CBY1: variants seen among roughly 807,000 people sequenced by gnomAD.
The protein encoded by CBY1 is chibby 1, beta catenin antagonist, also known as protein chibby homolog 1.
Under a neutral mutation model 15.6 loss-of-function variants are expected in CBY1, and 10 were observed. That is an observed-to-expected ratio of 0.64 (90% CI 0.40 to 1.09). CBY1 has a LOEUF of 1.09. Ranked by LOEUF, CBY1 falls within the 50% of genes least tolerant of loss-of-function variation. The probability of loss-of-function intolerance (pLI) is 0.01; values close to 1 mark genes in which losing one functional copy is unlikely to be tolerated. For missense variants in CBY1, 150 were observed against 160.5 expected (o/e 0.93, Z 0.35); for synonymous variants, 61 against 63.5 (o/e 0.96, Z 0.19).
At chr22:38,669,966 C>A (rs1222044569) in intron 2 of CBY1, 1 of 152,060 alleles carries the variant, frequency 6.6e-6, no homozygotes, top group African/African-American at 2.4e-5. Flanking sequence ...CACGGTGGCT[C>A]ACGTCTATAA....
At chr22:38,671,642 A>C (rs1032517170) in intron 4 of CBY1, 1 of 168,684 alleles carries the variant, frequency 5.9e-6, no homozygotes, top group Non-Finnish European at 1.3e-5. Flanking sequence ...ACACTGCATT[A>C]GTGTTGGTTT....
In CBY1 at chr22:38,671,100, G is replaced by A. The variant is rs775861163; in HGVS notation, c.215G>A (p.Arg72Lys). Residue 72 changes from arginine (R) to lysine (K), a missense_variant, in exon 4 of 5, where the codon AGG becomes AAG. Coordinates refer to ENST00000216029, the MANE Select transcript of CBY1 (RefSeq NM_015373.4). ...ETGVSGGVDRREVQRLRRRNQ... is the reference protein window; with the variant it reads ...ETGVSGGVDRKEVQRLRRRNQ... ...GGGGTTAGTGGCGGTGTGGACCGGA[G>A]GGAGGTTCAGCGCCTTCGCAGGCGG... The A allele has an allele frequency of 3.1e-5, 50 of 1,614,136 alleles. No homozygotes were observed. The highest frequency in any genetic ancestry group is 1.9e-4 in the South Asian group (17 of 91,094).
intron 1 of CBY1, among the ~76,000 whole-genome samples, chr22:38,664,657 A>G (rs2092431196): frequency 6.6e-6 from 1 of 152,160 alleles, no homozygotes. Flanking sequence ...GATATTGACA[A>G]GGATCTCTTG....
In CBY1 at chr22:38,657,607, A is replaced by C. The variant is rs2092404180; in HGVS notation, c.-39+857A>C. 3.3e-5 allele frequency among the ~76,000 whole-genome samples: 5 copies of C among 152,372 alleles called. No homozygotes were observed. In the South Asian group the frequency reaches 1.0e-3, roughly 32 times the overall value. ...ATTAGATCTGACTTAAAAGGTAGCT[A>C]ATCCAGACCCTTCCTCATCTGTAAT... On this transcript the variant is annotated intron_variant, in intron 1 of 4. Transcript: ENST00000216029.
intron 1 of CBY1, among the ~76,000 whole-genome samples, chr22:38,662,141 A>C (rs2092423823): frequency 6.6e-6 from 1 of 152,052 alleles, no homozygotes; most frequent in South Asian, 2.1e-4. Context: ...GTCTCTACAA[A>C]AGACACAAAA....
At chr22:38,660,085 A>T (rs1179184897) in intron 1 of CBY1, among the ~76,000 whole-genome samples, 1 of 152,096 alleles carries the variant, frequency 6.6e-6, no homozygotes, top group Non-Finnish European at 1.5e-5. Flanking sequence ...GAATTATAGC[A>T]TCTTCTGATT....
Position 38,671,263 on chromosome 22 carries a change from C to T in CBY1, c.303+75C>T. 5 of 1,094,936 alleles carry T rather than the reference C, an allele frequency of 4.6e-6. No individual in the cohort carries two copies. The Admixed American group carries it at 8.5e-5, about 19-fold the overall frequency. The allele number at this position is 1,094,936 out of a possible 1,614,324, so 67.8% of individuals were successfully genotyped here. A position where few individuals can be genotyped will look rare whatever the true frequency, so the allele number is the denominator to read the frequency against. The stretch of plus-strand genomic sequence containing the variant: ...CTCCACCTCGAGTCACTTAATCCAA[C>T]AGATATCTCCTCAATGCCAGTTTGG... On this transcript the variant is annotated intron_variant, in intron 4 of 4. Coordinates refer to ENST00000216029, the MANE Select transcript of CBY1 (RefSeq NM_015373.4).
At chr22:38,662,499 TG>T (rs900237449) in intron 1 of CBY1, among the ~76,000 whole-genome samples, 11 of 150,612 alleles carry the variant, frequency 7.3e-5, no homozygotes, top group Non-Finnish European at 1.3e-4. Flanking sequence ...CAATTTTTTT[TG>T]GGGGGCGGGG....
chr22:38,663,675 C>T (rs1156696722), intron 1 of CBY1, among the ~76,000 whole-genome samples: 2 of 129,336 alleles, frequency 1.5e-5, no homozygotes, highest in Admixed American at 8.6e-5. Flanking sequence ...CAGCCTGGGC[C>T]ACAAGAGCGA....
intron 1 of CBY1, among the ~76,000 whole-genome samples, chr22:38,660,971 A>G (rs1444755894): frequency 6.6e-6 from 1 of 152,096 alleles, no homozygotes; most frequent in Non-Finnish European, 1.5e-5. Context: ...CTTCTCCAGC[A>G]GAAACAGTGC....
chr22:38,668,072 T>A lies in CBY1; in HGVS notation c.18T>A (p.Asn6Lys), dbSNP rs370724210. The change falls in exon 2 of 5, where the codon AAT (asparagine) becomes AAA (lysine). Residue 6 changes from asparagine to lysine, a missense_variant. Coordinates refer to ENST00000216029, the MANE Select transcript of CBY1 (RefSeq NM_015373.4). ...GGCCAAAGATGCCTTTCTTTGGGAA[T>A]ACGTTCAGTCCGAAGAAGACACCTC... The part of the protein sequence containing the change: MPFFG[N>K]TFSPKKTPPR... 7 of 1,613,966 alleles carry A rather than the reference T, an allele frequency of 4.3e-6. No individual in the cohort carries two copies. In the African/African-American group the frequency reaches 8.0e-5, roughly 18 times the overall value.
intron 1 of CBY1, among the ~76,000 whole-genome samples, chr22:38,659,861 CAAA>C (rs71197126): frequency 1.5e-5 from 1 of 68,382 alleles, no homozygotes; most frequent in Non-Finnish European, 2.8e-5. Context: ...GACTCTGTCT[CAAA>C]AAAAAAAAAA....
chr22:38,659,244 G>GT lies in CBY1; in HGVS notation c.-39+2502dup, dbSNP rs201058919. ...AGCCACTGTACCTGGCCTACAATTG[G>GT]TTTTTTTTGTTTGTTTGTTTTTTGT... On this transcript the variant is annotated intron_variant, in intron 1 of 4. Transcript: ENST00000216029. Among the ~76,000 whole-genome samples the GT allele has an allele frequency of 8.0e-5, 12 of 150,278 alleles. No homozygotes were observed. In the East Asian group the frequency reaches 1.4e-3, roughly 17 times the overall value.
intron 4 of CBY1, among the ~76,000 whole-genome samples, chr22:38,672,176 T>C (rs2092454216): frequency 1.3e-5 from 2 of 151,148 alleles, no homozygotes; most frequent in Non-Finnish European, 3.0e-5. Flanking sequence ...GCAGGAGAAT[T>C]GCTTGAACCC....
Position 38,673,297 on chromosome 22 carries a change from C to A in CBY1, c.*61C>A. The A allele has an allele frequency of 9.4e-7, 1 of 1,063,918 alleles. No homozygotes were observed. The highest frequency in any genetic ancestry group is 1.5e-6 in the Non-Finnish European group (1 of 683,370). 65.9% of individuals were successfully genotyped at this position (1,063,918 alleles called of 1,614,324 possible). ...GCTGAGTGCTTTTTTTTTGGCCAGA[C>A]TAGCGGATTCAGTCCTGGAAGAGAG... On this transcript the variant is annotated 3_prime_UTR_variant, in exon 5 of 5. Coordinates refer to ENST00000216029, the MANE Select transcript of CBY1 (RefSeq NM_015373.4).
Position 38,670,869 on chromosome 22 carries a change from G to A in CBY1, c.79-15G>A, listed in dbSNP as rs1333091965. The stretch of plus-strand genomic sequence containing the variant: ...CCGGGCCTGCTGAAGTTGTCACATA[G>A]CATCTCGCCCACAGTTGGATCGATC... On this transcript the variant is annotated splice_polypyrimidine_tract_variant and intron_variant, in intron 2 of 4. Transcript: ENST00000216029. The A allele has an allele frequency of 6.3e-7, 1 of 1,598,050 alleles. No individual in the cohort carries two copies.
At chr22:38,657,212 A>C (rs931805301) in intron 1 of CBY1, 1 of 604,426 alleles carries the variant, frequency 1.7e-6, no homozygotes, top group African/African-American at 2.0e-5. Context: ...GATTAGTATC[A>C]GTATCTGTGG....
intron 2 of CBY1, among the ~76,000 whole-genome samples, chr22:38,669,176 C>T (rs2092445482): frequency 2.0e-5 from 3 of 152,156 alleles, no homozygotes. Context: ...CATATGGTCA[C>T]TGGTGGATTT....
At chr22:38,660,512 T>A (rs1275741589) in intron 1 of CBY1, among the ~76,000 whole-genome samples, 1 of 152,010 alleles carries the variant, frequency 6.6e-6, no homozygotes, top group Admixed American at 6.6e-5. Context: ...CATCTTTTAA[T>A]GATGTGCCTC....
Sources: gnomAD v4.1 joint callset for allele counts (sites outside exome capture counted in the v4.1 genomes callset) on GRCh38, gnomAD v4.1.1 for gene constraint, MANE v1.5 for transcripts, NCBI Gene and HGNC (gene_info 2026-07-23, HGNC 2026-07-21) for gene names.